Variants in INHBC observed in about 807,000 individuals in gnomAD.
INHBC encodes the protein inhibin beta C chain.
In INHBC, 10 loss-of-function variants were observed where a neutral mutation model predicts 12.4. The observed-to-expected ratio is 0.81, with a 90% CI of 0.50 to 1.37. The LOEUF is 1.37. Among genes scored for constraint, INHBC ranks in the 40% most tolerant of loss-of-function variants. The probability of loss-of-function intolerance (pLI) is 0.00; values close to 1 mark genes in which losing one functional copy is unlikely to be tolerated. For synonymous variants in INHBC, 147 were observed against 171.6 expected (o/e 0.86, Z 1.12); for missense variants, 382 against 439.4 (o/e 0.87, Z 1.17).
intron 1 of INHBC, among the ~76,000 whole-genome samples, chr12:57,438,441 T>C (rs1414885449): frequency 1.3e-5 from 2 of 152,146 alleles, no homozygotes; most frequent in Non-Finnish European, 1.5e-5. Flanking sequence ...CACATGGGGG[T>C]TATGATTTCA....
rs1339247985 is a variant in INHBC, at chr12:57,450,372, A to G, written c.*350A>G. ...TCACCTTTAATAGACCCCATAACCC[A>G]CTATGCCTTCCTGTCCTTTCTACTC... On this transcript the variant is annotated 3_prime_UTR_variant, in exon 2 of 2. Coordinates refer to ENST00000309668, the MANE Select transcript of INHBC (RefSeq NM_005538.4). The G allele has an allele frequency of 5.6e-6, 1 of 179,242 alleles. No individual in the cohort carries two copies. Among genetic ancestry groups the G allele is most frequent in the Non-Finnish European group, 1.2e-5 (1 of 86,396 alleles). The allele number at this position is 179,242 out of a possible 1,614,324, so 11.1% of individuals were successfully genotyped here.
At chr12:57,435,264 G>T (rs1050969524) in intron 1 of INHBC, 65 bp downstream of exon 1, 8 of 1,445,366 alleles carry the variant, frequency 5.5e-6, no homozygotes, top group Admixed American at 4.2e-5. Context: ...AAGTTTCCTC[G>T]CCAGACTTAC....
In INHBC at chr12:57,449,418, T is replaced by A. The variant is rs1364410581; in HGVS notation, c.455T>A (p.Val152Asp). ...ACCACTTGGACCTTGAAAGTGAGAG[T>A]CCTTGTGCTGGGTCCACATAATACC... ...SNTTWTLKVR[V>D]LVLGPHNTNL... Residue 152 changes from valine (V) to aspartate (D), a missense_variant, in exon 2 of 2, where the codon GTC (valine) becomes GAC (aspartate). Coordinates refer to ENST00000309668, the MANE Select transcript of INHBC (RefSeq NM_005538.4). 3 of 1,614,014 alleles carry A rather than the reference T, an allele frequency of 1.9e-6. No individual in the cohort carries two copies. The South Asian group carries it at 3.3e-5, about 18-fold the overall frequency.
At chr12:57,445,715 C>CA (rs978116787) in intron 1 of INHBC, among the ~76,000 whole-genome samples, 6 of 142,872 alleles carry the variant, frequency 4.2e-5, no homozygotes, top group East Asian at 2.3e-4. Context: ...ATAGTGAGAC[C>CA]CCCCGCCCAT....
At chr12:57,437,069 T>C (rs1870357954) in intron 1 of INHBC, among the ~76,000 whole-genome samples, 1 of 152,046 alleles carries the variant, frequency 6.6e-6, no homozygotes, top group African/African-American at 2.4e-5. Context: ...AATGCTAAGA[T>C]TACAGACATG....
At chr12:57,447,177 ATAGT>A (rs1241245537) in intron 1 of INHBC, among the ~76,000 whole-genome samples, 1 of 152,122 alleles carries the variant, frequency 6.6e-6, no homozygotes. Context: ...GAAAGTAATC[ATAGT>A]TTGTTTTTTT....
At chr12:57,435,683 C>T (rs746288452) in intron 1 of INHBC, among the ~76,000 whole-genome samples, 1 of 152,096 alleles carries the variant, frequency 6.6e-6, no homozygotes, top group Non-Finnish European at 1.5e-5. Context: ...CCCATATATA[C>T]CTCAGGTCCC....
intron 1 of INHBC, among the ~76,000 whole-genome samples, chr12:57,437,457 C>T (rs897119710): frequency 6.6e-6 from 1 of 151,890 alleles, no homozygotes; most frequent in Admixed American, 6.6e-5. Flanking sequence ...ATCACAAGGT[C>T]AGGAGATCGA....
At chr12:57,438,846 C>T (rs1264006953) in intron 1 of INHBC, among the ~76,000 whole-genome samples, 1 of 152,170 alleles carries the variant, frequency 6.6e-6, no homozygotes, top group South Asian at 2.1e-4. Flanking sequence ...GCATCAGGAT[C>T]GGGCTAAAGT....
At chr12:57,445,213 A>G (rs1306655336) in intron 1 of INHBC, among the ~76,000 whole-genome samples, 1 of 152,220 alleles carries the variant, frequency 6.6e-6, no homozygotes, top group Non-Finnish European at 1.5e-5. Flanking sequence ...CAAGTTTCCT[A>G]TTTCAAGGAG....
In INHBC at chr12:57,435,064, C is replaced by A; in HGVS notation, c.178C>A (p.Arg60Ser). The change falls in exon 1 of 2, where the codon CGC (arginine) becomes AGC (serine). Residue 60 changes from arginine to serine, a missense_variant. Arg to Ser is a moderately radical substitution (Grantham distance 110). Coordinates refer to ENST00000309668, the MANE Select transcript of INHBC (RefSeq NM_005538.4). ...SILDKLHLTQ[R>S]PTLNRPVSRA... is the part of the protein sequence containing the mutation. Reference sequence around the variant, plus strand: ...CTTGGACAAGCTGCACCTCACCCAGCGCCCAACACTGAACCGCCCTGTGTC... The same window carrying A: ...CTTGGACAAGCTGCACCTCACCCAGAGCCCAACACTGAACCGCCCTGTGTC... 1.9e-6 allele frequency: 3 copies of A among 1,614,146 alleles called. No individual in the cohort carries two copies. The highest frequency in any genetic ancestry group is 8.5e-7 in the Non-Finnish European group (1 of 1,180,022).
At chr12:57,441,204 A>G (rs1231124537) in intron 1 of INHBC, among the ~76,000 whole-genome samples, 1 of 152,088 alleles carries the variant, frequency 6.6e-6, no homozygotes, top group Non-Finnish European at 1.5e-5. Context: ...AATACAAAAA[A>G]TTAGCCAGGT....
chr12:57,449,390 A>G lies in INHBC; in HGVS notation c.427A>G (p.Asn143Asp), dbSNP rs777158712. 1 of 1,614,192 alleles carries G rather than the reference A, an allele frequency of 6.2e-7. No individual in the cohort carries two copies. The highest frequency in any genetic ancestry group is 8.5e-7 in the Non-Finnish European group (1 of 1,180,042). Reference sequence around the variant, plus strand: ...CATGTTCTTTGTGCAGCTCCCTTCCAATACCACTTGGACCTTGAAAGTGAG... The same window carrying G: ...CATGTTCTTTGTGCAGCTCCCTTCCGATACCACTTGGACCTTGAAAGTGAG... ...SLMFFVQLPS[N>D]TTWTLKVRVL... The change falls in exon 2 of 2, where the codon AAT becomes GAT. Residue 143 changes from asparagine (N) to aspartate (D), a missense_variant. Asn to Asp is a conservative substitution (Grantham distance 23, BLOSUM62 1). Coordinates refer to ENST00000309668, the MANE Select transcript of INHBC (RefSeq NM_005538.4).
chr12:57,447,184 GT>G (rs903551516), intron 1 of INHBC, among the ~76,000 whole-genome samples: 27 of 149,130 alleles, frequency 1.8e-4, no homozygotes, highest in East Asian at 1.2e-3. Flanking sequence ...ATCATAGTTT[GT>G]TTTTTTTTTC....
intron 1 of INHBC, among the ~76,000 whole-genome samples, chr12:57,440,731 A>G (rs945571869): frequency 1.8e-4 from 27 of 152,222 alleles, no homozygotes; most frequent in African/African-American, 6.5e-4. Flanking sequence ...AAATATCATT[A>G]GCTAAATTCA....
chr12:57,451,786 C>T lies in INHBC; in HGVS notation c.*1764C>T. The T allele has an allele frequency of 2.2e-6, 1 of 450,116 alleles. No individual in the cohort carries two copies. Among genetic ancestry groups the T allele is most frequent in the Admixed American group, 2.4e-5 (1 of 41,018 alleles). The allele number at this position is 450,116 out of a possible 1,614,324, so 27.9% of individuals were successfully genotyped here. A position where few individuals can be genotyped will look rare whatever the true frequency, so the allele number is the denominator to read the frequency against. On this transcript the variant is annotated 3_prime_UTR_variant, in exon 2 of 2. Transcript: ENST00000309668. ...ACCTTTGACTTGAGGAGACCTTCAT[C>T]TAAGGAGAATCTAAGGAGGCCTTCT...
intron 1 of INHBC, among the ~76,000 whole-genome samples, chr12:57,445,587 ACTTC>A (rs1870556419): frequency 6.6e-6 from 1 of 152,024 alleles, no homozygotes; most frequent in South Asian, 2.1e-4. Context: ...ATACATTTAG[ACTTC>A]CTTGTACAGG....
Position 57,449,850 on chromosome 12 carries a change from C to A in INHBC, c.887C>A (p.Thr296Asn). ...GMPGIAASFH[T>N]AVLNLLKANT... ...CCTGGTATTGCTGCCTCCTTTCACACTGCAGTGCTCAATCTTCTCAAGGCC... is the reference window on the plus strand; with the variant it reads ...CCTGGTATTGCTGCCTCCTTTCACAATGCAGTGCTCAATCTTCTCAAGGCC... The change falls in exon 2 of 2, where the codon ACT becomes AAT. Residue 296 changes from threonine (T) to asparagine (N), a missense_variant. Thr to Asn is a moderately conservative substitution (Grantham distance 65). Coordinates refer to ENST00000309668, the MANE Select transcript of INHBC (RefSeq NM_005538.4). The A allele has an allele frequency of 6.2e-7, 1 of 1,612,678 alleles. No individual in the cohort carries two copies. Among genetic ancestry groups the A allele is most frequent in the Non-Finnish European group, 8.5e-7 (1 of 1,179,152 alleles).
chr12:57,445,712 G>GCCCC (rs1594729065), intron 1 of INHBC, among the ~76,000 whole-genome samples: 1 of 109,022 alleles, frequency 9.2e-6, no homozygotes. Flanking sequence ...AACATAGTGA[G>GCCCC]ACCCCCCGCC....
Sources: allele counts gnomAD v4.1 joint callset (sites outside exome capture counted in the v4.1 genomes callset), GRCh38; gene constraint gnomAD v4.1.1; transcripts MANE v1.5; gene names NCBI Gene and HGNC (gene_info 2026-07-23, HGNC 2026-07-21).